MAPK10: variants seen among roughly 807,000 people sequenced by gnomAD.
MAPK10 encodes JNK3 alpha protein kinase.
Under a neutral mutation model 59.3 loss-of-function variants are expected in MAPK10, and 25 were observed. The observed-to-expected ratio is 0.42, with a 90% confidence interval of 0.31 to 0.59. The LOEUF (loss-of-function observed/expected upper bound fraction) is 0.59, where lower values mean the gene tolerates loss of function less well. Among genes scored for constraint, MAPK10 ranks in the 20% least tolerant of loss-of-function variants. The probability of loss-of-function intolerance (pLI) is 0.15; values close to 1 mark genes in which losing one functional copy is unlikely to be tolerated. For missense variants in MAPK10, 351 were observed against 568.9 expected (o/e 0.62, Z 3.90); for synonymous variants, 190 against 200.5 (o/e 0.95, Z 0.44).
At chr4:86,310,433 A>G (rs1166814318) in intron 2 of MAPK10, among the ~76,000 whole-genome samples, 1 of 152,218 alleles carries the variant, frequency 6.6e-6, no homozygotes, top group African/African-American at 2.4e-5. Context: ...TTATTTGAAA[A>G]TACAGAGAAT....
At chr4:86,079,544 C>A (rs1156672473) in intron 9 of MAPK10, 4 of 152,146 alleles carry the variant, frequency 2.6e-5, no homozygotes, top group African/African-American at 9.7e-5. Flanking sequence ...GGATTTGATT[C>A]TCTCAGCCTG....
intron 7 of MAPK10, 78 bp from the exon 8 acceptor site, chr4:86,101,295 C>A: frequency 1.7e-6 from 2 of 1,149,492 alleles, no homozygotes; most frequent in South Asian, 1.4e-5. Context: ...ATCAACATAG[C>A]CATTTTGCAG....
chr4:86,415,657 A>C (rs1745774083), intron 1 of MAPK10, among the ~76,000 whole-genome samples: 1 of 152,248 alleles, frequency 6.6e-6, no homozygotes, highest in South Asian at 2.1e-4. Flanking sequence ...ATCTGGAATT[A>C]GCTAGCCCAA....
At chr4:86,492,536 T>A (rs1754546065) in intron 1 of MAPK10, among the ~76,000 whole-genome samples, 1 of 152,252 alleles carries the variant, frequency 6.6e-6, no homozygotes, top group Non-Finnish European at 1.5e-5. Flanking sequence ...GTGAGCTCTA[T>A]GACCTTGGCA....
intron 1 of MAPK10, among the ~76,000 whole-genome samples, chr4:86,393,932 T>C (rs961311376): frequency 1.3e-5 from 2 of 152,284 alleles, no homozygotes; most frequent in African/African-American, 4.8e-5. Context: ...ATTAAGAGCA[T>C]AACACTTAAA....
At chr4:86,198,570 C>T (rs1297722361) in intron 2 of MAPK10, among the ~76,000 whole-genome samples, 1 of 151,926 alleles carries the variant, frequency 6.6e-6, no homozygotes, top group African/African-American at 2.4e-5. Flanking sequence ...ACAATTCCTA[C>T]CTCACGTTGT....
At chr4:86,556,055 ATTT>A (rs1183253965) in intron 1 of MAPK10, among the ~76,000 whole-genome samples, 1 of 152,194 alleles carries the variant, frequency 6.6e-6, no homozygotes, top group Non-Finnish European at 1.5e-5. Context: ...AGTCCATTGC[ATTT>A]TATCTGGTCA....
intron 1 of MAPK10, among the ~76,000 whole-genome samples, chr4:86,543,615 C>A (rs929496277): frequency 1.3e-5 from 2 of 152,134 alleles, no homozygotes; most frequent in African/African-American, 4.8e-5. Flanking sequence ...GTAATCTATT[C>A]TAAGAAAAAC....
intron 4 of MAPK10, among the ~76,000 whole-genome samples, chr4:86,134,115 A>G (rs2061476105): frequency 6.6e-6 from 1 of 152,216 alleles, no homozygotes; most frequent in Non-Finnish European, 1.5e-5. Flanking sequence ...TCTTACATTG[A>G]GCCAAAATCT....
At chr4:86,459,069 AAAAC>A (rs1373638917) in intron 1 of MAPK10, among the ~76,000 whole-genome samples, 1 of 152,210 alleles carries the variant, frequency 6.6e-6, no homozygotes, top group Non-Finnish European at 1.5e-5. Context: ...AGCAAGAAAA[AAAAC>A]AAACAAGGCC....
chr4:86,334,135 C>T (rs1342243504), intron 2 of MAPK10, among the ~76,000 whole-genome samples: 1 of 152,162 alleles, frequency 6.6e-6, no homozygotes, highest in Admixed American at 6.6e-5. Flanking sequence ...TCCTTCCAAG[C>T]CTGTTCCTCC....
chr4:86,275,224 A>C (rs2094539074), intron 2 of MAPK10, among the ~76,000 whole-genome samples: 1 of 152,088 alleles, frequency 6.6e-6, no homozygotes, highest in African/African-American at 2.4e-5. Flanking sequence ...ATAAGCAAAA[A>C]TGTGAAAAAC....
chr4:86,245,037 TATCTCC>T (rs1256578578), intron 2 of MAPK10, among the ~76,000 whole-genome samples: 1 of 152,190 alleles, frequency 6.6e-6, no homozygotes, highest in African/African-American at 2.4e-5. Context: ...TTAATATAGC[TATCTCC>T]AGGAAATCTG....
intron 1 of MAPK10, among the ~76,000 whole-genome samples, chr4:86,447,594 A>G (rs751552201): frequency 6.6e-6 from 1 of 152,188 alleles, no homozygotes; most frequent in African/African-American, 2.4e-5. Context: ...ATAAACAGTA[A>G]ATCTTCCTCC....
chr4:86,382,584 G>A (rs1740903063), intron 1 of MAPK10, among the ~76,000 whole-genome samples: 1 of 152,142 alleles, frequency 6.6e-6, no homozygotes. Context: ...CATAAAGTCG[G>A]AGCGCAATAA....
At chr4:86,041,338 C>T (rs931608844) in intron 11 of MAPK10, among the ~76,000 whole-genome samples, 4 of 151,794 alleles carry the variant, frequency 2.6e-5, no homozygotes, top group African/African-American at 9.7e-5. Context: ...AACTCAAGAT[C>T]GATTAAAGAC....
intron 3 of MAPK10, chr4:86,164,687 C>A (rs887712619): frequency 3.9e-5 from 6 of 151,956 alleles, no homozygotes; most frequent in African/African-American, 9.7e-5. Flanking sequence ...AAAGTTGAAC[C>A]AGTATTATTG....
intron 5 of MAPK10, chr4:86,106,955 G>C (rs1470806252): frequency 1.5e-5 from 3 of 200,646 alleles, no homozygotes; most frequent in Non-Finnish European, 3.0e-5. Context: ...TCAATTTGGA[G>C]CAAGATAACC....
At chr4:86,389,182 C>T (rs1272587814) in intron 1 of MAPK10, among the ~76,000 whole-genome samples, 1 of 152,110 alleles carries the variant, frequency 6.6e-6, no homozygotes, top group Non-Finnish European at 1.5e-5. Flanking sequence ...CACCCTCTTG[C>T]TCCTGCCCTG....
Sources: allele counts gnomAD v4.1 joint callset (sites outside exome capture counted in the v4.1 genomes callset), GRCh38; gene constraint gnomAD v4.1.1; transcripts MANE v1.5; gene names NCBI Gene and HGNC (gene_info 2026-07-23, HGNC 2026-07-21).